Variants in UFSP2 observed in about 807,000 individuals in gnomAD.
The protein encoded by UFSP2 is ufm1-specific protease 2.
In UFSP2, 43 loss-of-function variants were observed where a neutral mutation model predicts 60.2. The ratio of observed to expected loss-of-function variants is 0.71; its 90% CI spans 0.56 to 0.92. The LOEUF (loss-of-function observed/expected upper bound fraction) is 0.92. Among genes scored for constraint, UFSP2 ranks in the 40% least tolerant of loss-of-function variants. The pLI is 0.00. For synonymous variants in UFSP2, 183 were observed against 195.1 expected (o/e 0.94, Z 0.52); for missense variants, 520 against 575.0 (o/e 0.90, Z 0.98).
chr4:185,415,028 A>G, intron 6 of UFSP2, 127 bp downstream of exon 6: 1 of 744,662 alleles, frequency 1.3e-6, no homozygotes, highest in Non-Finnish European at 2.1e-6. Flanking sequence ...TGTAAAATGA[A>G]TAGTCTAAAT....
chr4:185,399,643 C>T lies in UFSP2; in HGVS notation c.*749G>A. The T allele has an allele frequency of 6.2e-7, 1 of 1,614,160 alleles. No homozygotes were observed. Among genetic ancestry groups the T allele is most frequent in the Non-Finnish European group, 8.5e-7 (1 of 1,180,010 alleles). ...TGGATTTCCAGACTGTGCCAAGTTTCTTACAACAATTAAATGTATGCAGAC... is the reference window on the plus strand; with the variant it reads ...TGGATTTCCAGACTGTGCCAAGTTTTTTACAACAATTAAATGTATGCAGAC... On this transcript the variant is annotated 3_prime_UTR_variant, in exon 12 of 12. Coordinates refer to ENST00000264689, the MANE Select transcript of UFSP2 (RefSeq NM_018359.5).
Position 185,408,296 on chromosome 4 carries a change from A to G in UFSP2, c.971T>C (p.Ile324Thr), listed in dbSNP as rs749698276. 7.4e-6 allele frequency: 12 copies of G among 1,614,170 alleles called. No individual in the cohort carries two copies. The South Asian group carries it at 9.9e-5, about 13-fold the overall frequency. Residue 324 changes from isoleucine to threonine, a missense_variant, in exon 8 of 12, where the codon ATT (isoleucine) becomes ACT (threonine). Ile to Thr is a moderately conservative substitution (Grantham distance 89). Coordinates refer to ENST00000264689, the MANE Select transcript of UFSP2 (RefSeq NM_018359.5). Reference protein sequence around the residue: ...FKHQGYTERSIPTHREIQQAL... With the variant: ...FKHQGYTERSTPTHREIQQAL... ...CTGCTGAATTTCTCTGTGTGTTGGA[A>G]TGGACCTCTCTGTGTATCCCTGATG...
chr4:185,403,999 T>C (rs947316129), intron 10 of UFSP2, among the ~76,000 whole-genome samples: 1 of 151,086 alleles, frequency 6.6e-6, no homozygotes, highest in Admixed American at 6.6e-5. Flanking sequence ...AACATTACTT[T>C]GCTTATTAAC....
chr4:185,406,558 T>G (rs563542966), intron 9 of UFSP2, among the ~76,000 whole-genome samples: 1 of 152,276 alleles, frequency 6.6e-6, no homozygotes, highest in African/African-American at 2.4e-5. Flanking sequence ...CTTCACTACT[T>G]AAGTCTGTCA....
Position 185,415,769 on chromosome 4 carries a change from A to G in UFSP2, c.432T>C (p.Val144=). 6.2e-7 allele frequency: 1 copy of G among 1,613,834 alleles called. No homozygotes were observed. The highest frequency in any genetic ancestry group is 8.5e-7 in the Non-Finnish European group (1 of 1,179,750). The part of the protein sequence containing the change: ...IERESGGHHY[V]NMTLPVDAVI... ...CTGCATCGACAGGTAAAGTCATATTAACATAATGGTGTCCTCCGCTTTCCC... is the reference window on the plus strand; with the variant it reads ...CTGCATCGACAGGTAAAGTCATATTGACATAATGGTGTCCTCCGCTTTCCC... Residue 144 remains valine (V), a synonymous_variant, in exon 5 of 12, where the codon GTT becomes GTC. Transcript: ENST00000264689.
rs190768911 is a variant in UFSP2 at position 185,405,511 on chromosome 4, C to T, written c.1198+269G>A. ...ACGAAGCTCAGCTGAGTGACCGTTT[C>T]CTCTTTTTAATACTGTTCTCAGCTC... On this transcript the variant is annotated intron_variant, in intron 10 of 11. Transcript: ENST00000264689. Among the ~76,000 whole-genome samples, 247 of 152,290 alleles carry T rather than the reference C, an allele frequency of 1.6e-3. 1 individual carries two copies. The highest frequency in any genetic ancestry group is 5.6e-3 in the African/African-American group (231 of 41,564).
rs1376405768 is a variant in UFSP2, at chr4:185,403,492, AC to A, written c.1323+1del. The A allele has an allele frequency of 1.2e-6, 2 of 1,611,856 alleles. No individual in the cohort carries two copies. Among genetic ancestry groups the A allele is most frequent in the Non-Finnish European group, 1.7e-6 (2 of 1,179,478 alleles). On this transcript the variant is annotated splice_donor_variant, in intron 11 of 11. Transcript: ENST00000264689. LOFTEE classifies it high-confidence loss of function. ...CTCAATTTGTGTTAAATGGATACTTACCTTTTCCAAAATAACTTGCAGGTCT... is the reference window on the plus strand; with the variant it reads ...CTCAATTTGTGTTAAATGGATACTTACTTTTCCAAAATAACTTGCAGGTCT...
chr4:185,412,481 A>G (rs796210328), intron 7 of UFSP2, among the ~76,000 whole-genome samples: 2 of 152,258 alleles, frequency 1.3e-5, no homozygotes, highest in African/African-American at 2.4e-5. Context: ...GGACGCTCAG[A>G]AGGTATTAAT....
chr4:185,415,357 G>C lies in UFSP2; in HGVS notation c.492-10C>G. Reference sequence around the variant, plus strand: ...CAGGAGTTTACGAACTCTGTGGGGGGAAATATATAAGTGTATTAACAAAAG... The same window carrying C: ...CAGGAGTTTACGAACTCTGTGGGGGCAAATATATAAGTGTATTAACAAAAG... On this transcript the variant is annotated splice_polypyrimidine_tract_variant and intron_variant, in intron 5 of 11. Transcript: ENST00000264689. 6.4e-7 allele frequency: 1 copy of C among 1,559,496 alleles called. No individual in the cohort carries two copies. Among genetic ancestry groups the C allele is most frequent in the South Asian group, 1.2e-5 (1 of 81,366 alleles).
intron 9 of UFSP2, 67 bp downstream of exon 9, chr4:185,407,869 T>G: frequency 6.6e-7 from 1 of 1,505,650 alleles, no homozygotes; most frequent in Non-Finnish European, 9.0e-7. Flanking sequence ...ATTTTTTCTA[T>G]TATTTTAATT....
chr4:185,423,522 G>A (rs1245149856), intron 1 of UFSP2, among the ~76,000 whole-genome samples: 1 of 151,686 alleles, frequency 6.6e-6, no homozygotes, highest in Non-Finnish European at 1.5e-5. Flanking sequence ...ACAAAGATTC[G>A]GGTACATGGA....
At chr4:185,412,927 C>T (rs2095531997) in intron 7 of UFSP2, among the ~76,000 whole-genome samples, 1 of 152,116 alleles carries the variant, frequency 6.6e-6, no homozygotes, top group South Asian at 2.1e-4. Flanking sequence ...CCAATTCACT[C>T]TTATTTGAGC....
chr4:185,403,351 G>T, intron 11 of UFSP2, 143 bp downstream of exon 11: 2 of 1,028,856 alleles, frequency 1.9e-6, no homozygotes, highest in Non-Finnish European at 2.8e-6. Flanking sequence ...TACAGAGACG[G>T]CTACTTACAA....
At chr4:185,401,813 C>A (rs182969494) in intron 11 of UFSP2, among the ~76,000 whole-genome samples, 1 of 152,212 alleles carries the variant, frequency 6.6e-6, no homozygotes, top group Non-Finnish European at 1.5e-5. Context: ...ATCCCTTACT[C>A]TAATTGTTCA....
rs769128631 is a variant in UFSP2 at position 185,407,937 on chromosome 4, TGACA to T, written c.1116_1119del (p.Phe372LeufsTer26). 2 of 1,613,538 alleles carry T rather than the reference TGACA, an allele frequency of 1.2e-6. No homozygotes were observed. The highest frequency in any genetic ancestry group is 1.7e-6 in the Non-Finnish European group (2 of 1,179,832). On this transcript the variant is annotated frameshift_variant and splice_region_variant, in exon 9 of 12. Coordinates refer to ENST00000264689, the MANE Select transcript of UFSP2 (RefSeq NM_018359.5). LOFTEE classifies it high-confidence loss of function. ...TCTAATTTCTTAAAGTGTGCTTACC[TGACA>T]AACAGGATTTTTGACGTTATACCGA...
chr4:185,407,715 A>C (rs904394518), intron 9 of UFSP2, among the ~76,000 whole-genome samples: 1 of 152,138 alleles, frequency 6.6e-6, no homozygotes, highest in Non-Finnish European at 1.5e-5. Context: ...TAATACAAGT[A>C]TACATTACAT....
intron 9 of UFSP2, among the ~76,000 whole-genome samples, chr4:185,407,363 AT>A (rs2095522362): frequency 6.6e-6 from 1 of 152,188 alleles, no homozygotes; most frequent in African/African-American, 2.4e-5. Flanking sequence ...TAGAAAATGT[AT>A]TTTAAAACAT....
At position 185,399,645 on chromosome 4, in the gene UFSP2, T is replaced by TA; in HGVS notation, c.*746dup. On this transcript the variant is annotated 3_prime_UTR_variant, in exon 12 of 12. Transcript: ENST00000264689. ...GATTTCCAGACTGTGCCAAGTTTCT[T>TA]ACAACAATTAAATGTATGCAGACAA... 1 of 1,614,196 alleles carries TA rather than the reference T, an allele frequency of 6.2e-7. No individual in the cohort carries two copies. The highest frequency in any genetic ancestry group is 1.3e-5 in the African/African-American group (1 of 75,054).
At position 185,413,840 on chromosome 4, in the gene UFSP2, G is replaced by A; in HGVS notation, c.717C>T (p.Asp239=). 1 of 1,610,900 alleles carries A rather than the reference G, an allele frequency of 6.2e-7. No homozygotes were observed. The highest frequency in any genetic ancestry group is 1.1e-5 in the South Asian group (1 of 90,236). Residue 239 remains aspartate (D), a synonymous_variant, in exon 7 of 12, where the codon GAC becomes GAT. Transcript: ENST00000264689. The part of the protein sequence containing the change: ...ELHDLFNLPH[D]RPYFKRSNAY... ...CATTAGACCTTTTGAAATAGGGTCT[G>A]TCGTGAGGCAGATTGAAAAGATCAT...
Sources: gnomAD v4.1 joint callset for allele counts (sites outside exome capture counted in the v4.1 genomes callset) on GRCh38, gnomAD v4.1.1 for gene constraint, MANE v1.5 for transcripts, NCBI Gene and HGNC (gene_info 2026-07-23, HGNC 2026-07-21) for gene names.